The following PCCB variants were observed in gnomAD, a reference collection of about 807,000 sequenced individuals.
PCCB encodes propionyl-CoA carboxylase subunit beta.
Under a neutral mutation model 60.7 loss-of-function variants are expected in PCCB, and 43 were observed. That is an observed-to-expected ratio of 0.71 (90% CI 0.55 to 0.91). PCCB has a LOEUF of 0.91. PCCB is among the 40% of genes least tolerant of loss of function. PCCB has a pLI of 0.00. For missense variants in PCCB, 766 were observed against 702.8 expected, an observed-to-expected ratio of 1.09 and a Z score of -1.02; for synonymous variants, 276 against 255.9, an observed-to-expected ratio of 1.08 and a Z score of -0.75.
chr3:136,263,264 T>TG (rs996415544), intron 5 of PCCB, among the ~76,000 whole-genome samples: 2 of 148,706 alleles, frequency 1.3e-5, no homozygotes, highest in Non-Finnish European at 3.0e-5. Context: ...GTTTTTTTTT[T>TG]TTTTTTTAAT....
At chr3:136,307,520 A>C (rs1576345643) in intron 9 of PCCB, among the ~76,000 whole-genome samples, 1 of 152,328 alleles carries the variant, frequency 6.6e-6, no homozygotes, top group East Asian at 1.9e-4. Flanking sequence ...AACTAAAGGC[A>C]TCAAAAGGCA....
At chr3:136,291,222 C>G (rs1319819264) in intron 6 of PCCB, among the ~76,000 whole-genome samples, 2 of 152,128 alleles carry the variant, frequency 1.3e-5, no homozygotes, top group Admixed American at 1.3e-4. Flanking sequence ...ATCCTCCCAC[C>G]TCAGCCTCCT....
At chr3:136,255,121 G>T (rs1270849839) in intron 1 of PCCB, among the ~76,000 whole-genome samples, 1 of 151,960 alleles carries the variant, frequency 6.6e-6, no homozygotes, top group Non-Finnish European at 1.5e-5. Flanking sequence ...TGATCCACCC[G>T]CCTCTGCCTC....
chr3:136,301,670 T>C (rs572336661), intron 9 of PCCB, among the ~76,000 whole-genome samples: 16 of 152,246 alleles, frequency 1.1e-4, no homozygotes, highest in Non-Finnish European at 1.5e-4. Context: ...AAGGGTACAC[T>C]GTGCTCTCGG....
intron 10 of PCCB, among the ~76,000 whole-genome samples, chr3:136,318,495 A>T (rs937550137): frequency 6.6e-5 from 10 of 152,248 alleles, no homozygotes; most frequent in Admixed American, 6.5e-4. Flanking sequence ...AACCATCACC[A>T]CTGTTTCCAA....
chr3:136,302,636 C>T (rs912664132), intron 9 of PCCB, among the ~76,000 whole-genome samples: 5 of 117,678 alleles, frequency 4.2e-5, no homozygotes, highest in African/African-American at 1.3e-4. Flanking sequence ...CATATGTATA[C>T]ATGTGCCATG....
At chr3:136,252,005 G>A (rs1941530450) in intron 1 of PCCB, among the ~76,000 whole-genome samples, 1 of 151,932 alleles carries the variant, frequency 6.6e-6, no homozygotes, top group Admixed American at 6.6e-5. Flanking sequence ...AGCCTCCCAA[G>A]TAGCTGGGAT....
At chr3:136,272,292 G>GT (rs1942223033) in intron 5 of PCCB, among the ~76,000 whole-genome samples, 1 of 152,056 alleles carries the variant, frequency 6.6e-6, no homozygotes, top group Non-Finnish European at 1.5e-5. Flanking sequence ...TTGCATCCAT[G>GT]TTTATCAGAG....
chr3:136,316,516 A>G (rs1344312028), intron 9 of PCCB, among the ~76,000 whole-genome samples: 1 of 152,064 alleles, frequency 6.6e-6, no homozygotes, highest in East Asian at 1.9e-4. Context: ...GGGTTTCGCT[A>G]CATTGGCCAG....
At chr3:136,283,302 G>T (rs981980061) in intron 5 of PCCB, among the ~76,000 whole-genome samples, 2 of 152,010 alleles carry the variant, frequency 1.3e-5, no homozygotes. Flanking sequence ...TCCTTCTACC[G>T]CCTTCTCTCC....
In PCCB at chr3:136,283,913, C is replaced by T. The variant is rs1553777582; in HGVS notation, c.620C>T (p.Ser207Phe). 3 of 1,612,934 alleles carry T rather than the reference C, an allele frequency of 1.9e-6. No individual in the cohort carries two copies. Among genetic ancestry groups the T allele is most frequent in the East Asian group, 4.5e-5 (2 of 44,878 alleles). The change falls in exon 6 of 15, where the codon TCC becomes TTC. Residue 207 changes from serine (S) to phenylalanine (F), a missense_variant. Physicochemically the swap from Ser to Phe is radical, Grantham distance 155. Transcript: ENST00000251654. ...CCATGTGCTGGTGGGGCCGTCTACT[C>T]CCCAGCCCTAACAGACTTCACGTTC... The part of the protein sequence containing the change: ...MGPCAGGAVY[S>F]PALTDFTFMV...
At chr3:136,320,428 T>C (rs1468277910) in intron 10 of PCCB, among the ~76,000 whole-genome samples, 3 of 152,242 alleles carry the variant, frequency 2.0e-5, no homozygotes, top group Admixed American at 2.0e-4. Context: ...AATTTATTCC[T>C]AAATGTTTTA....
At chr3:136,286,308 G>C (rs1291184129) in intron 6 of PCCB, among the ~76,000 whole-genome samples, 1 of 152,190 alleles carries the variant, frequency 6.6e-6, no homozygotes, top group Non-Finnish European at 1.5e-5. Flanking sequence ...ATTTGCTCTA[G>C]CTGATCACTC....
intron 8 of PCCB, among the ~76,000 whole-genome samples, chr3:136,300,026 CCACACATGCATATATGCATGCCCA>C (rs1269280187): frequency 1.6e-3 from 244 of 151,644 alleles, no homozygotes; most frequent in African/African-American, 5.7e-3. Flanking sequence ...GTGTACACGC[CCACACATGCATATATGCATGCCCA>C]CACACATGCA....
intron 10 of PCCB, among the ~76,000 whole-genome samples, chr3:136,320,842 A>G (rs1012643939): frequency 1.3e-5 from 2 of 152,204 alleles, no homozygotes; most frequent in Admixed American, 1.3e-4. Flanking sequence ...TGCTCTGGCA[A>G]GAATTTCTTG....
chr3:136,295,971 C>T (rs1196301052), intron 7 of PCCB, among the ~76,000 whole-genome samples: 2 of 152,038 alleles, frequency 1.3e-5, no homozygotes, highest in Non-Finnish European at 2.9e-5. Context: ...TCTTTCTGGG[C>T]CTGAGGCTCT....
intron 5 of PCCB, among the ~76,000 whole-genome samples, chr3:136,263,313 T>C (rs1941881234): frequency 6.8e-6 from 1 of 147,660 alleles, no homozygotes; most frequent in Non-Finnish European, 1.5e-5. Context: ...TTGGCCAGGC[T>C]GGAATGCAGT....
At chr3:136,262,114 C>T (rs1354857560) in intron 5 of PCCB, 49 bp downstream of exon 5, 1 of 1,189,426 alleles carries the variant, frequency 8.4e-7, no homozygotes, top group East Asian at 2.6e-5. Context: ...CTTAAGTTCT[C>T]TAAGCCATGG....
Position 136,279,737 on chromosome 3 carries a change from G to A in PCCB, c.544-4100G>A, listed in dbSNP as rs528419016. On this transcript the variant is annotated intron_variant, in intron 5 of 14. Coordinates refer to ENST00000251654, the MANE Select transcript of PCCB (RefSeq NM_000532.5). ...GGCTGGAGTGCAGTGGCGTGATCTC[G>A]ACTCACTGCAAGCTCCGCCTCCCAG... Among the ~76,000 whole-genome samples the A allele has an allele frequency of 3.9e-5, 6 of 152,004 alleles. No homozygotes were observed. The East Asian group carries it at 7.7e-4, about 20-fold the overall frequency.
Sources: allele counts gnomAD v4.1 joint callset (sites outside exome capture counted in the v4.1 genomes callset), GRCh38; gene constraint gnomAD v4.1.1; transcripts MANE v1.5; gene names NCBI Gene and HGNC (gene_info 2026-07-23, HGNC 2026-07-21).